TEX11: variants seen among roughly 807,000 people sequenced by gnomAD.
TEX11 encodes the protein testis-expressed protein 11.
TEX11 carries 7 observed loss-of-function variants against 84.4 expected under a neutral mutation model. That is an observed-to-expected ratio of 0.08 (90% CI 0.05 to 0.16). The LOEUF is 0.16. Ranked by LOEUF, TEX11 falls within the 10% of genes least tolerant of loss-of-function variation. The pLI, the probability that TEX11 is intolerant of heterozygous loss-of-function variation, is 1.00. For synonymous variants in TEX11, 264 were observed against 222.8 expected (o/e 1.18, Z -1.64); for missense variants, 551 against 660.5 (o/e 0.83, Z 1.82).
At chrX:70,646,522 T>A (rs1331155974) in intron 17 of TEX11, among the ~76,000 whole-genome samples, 1 of 111,775 alleles carries the variant, frequency 8.9e-6, no homozygotes, top group Non-Finnish European at 1.9e-5. Flanking sequence ...ATTCAAACAA[T>A]TCAATAGGAA....
intron 7 of TEX11, among the ~76,000 whole-genome samples, chrX:70,841,966 C>T (rs1466553113): frequency 9.0e-6 from 1 of 111,390 alleles, no homozygotes; most frequent in Non-Finnish European, 1.9e-5. Flanking sequence ...CAATAACAGG[C>T]TCTGAAATTG....
chrX:70,659,934 T>C (rs1187609304), intron 16 of TEX11, among the ~76,000 whole-genome samples: 2 of 112,050 alleles, frequency 1.8e-5, no homozygotes, highest in African/African-American at 3.2e-5. Flanking sequence ...CATAGTGTAC[T>C]TACACAAACT....
chrX:70,708,150 C>T (rs953673325), intron 13 of TEX11, among the ~76,000 whole-genome samples: 13 of 110,707 alleles, frequency 1.2e-4, no homozygotes, highest in African/African-American at 1.6e-4. Flanking sequence ...CATGAACAGA[C>T]GCTTCTCAAA....
intron 9 of TEX11, among the ~76,000 whole-genome samples, chrX:70,760,039 T>C (rs937048269): frequency 1.8e-5 from 2 of 111,246 alleles, no homozygotes; most frequent in Non-Finnish European, 3.8e-5. Context: ...ATAAAATACC[T>C]AAGAATCCAA....
intron 25 of TEX11, among the ~76,000 whole-genome samples, chrX:70,578,036 A>C (rs1231268802): frequency 1.8e-5 from 2 of 111,821 alleles, no homozygotes; most frequent in East Asian, 5.6e-4. Flanking sequence ...CCAAGGTTAT[A>C]TCTTAAAAGT....
At chrX:70,538,135 G>C (rs1311170523) in intron 28 of TEX11, among the ~76,000 whole-genome samples, 1 of 111,469 alleles carries the variant, frequency 9.0e-6, no homozygotes, top group Non-Finnish European at 1.9e-5. Context: ...GGGAGAGAAG[G>C]AGGTGAAGGT....
chrX:70,588,296 C>T (rs865832791), intron 25 of TEX11, among the ~76,000 whole-genome samples: 1 of 111,772 alleles, frequency 8.9e-6, no homozygotes, highest in Admixed American at 9.5e-5. Flanking sequence ...CCACCCAAAT[C>T]TCTTCTTGAA....
chrX:70,581,587 C>T lies in TEX11; in HGVS notation c.2140+10164G>A, dbSNP rs754286148. ...TGTTGGGATTACAGGCATAAGCCAC[C>T]GCGCCTGGTCCTATATACTGTTGCT... On this transcript the variant is annotated intron_variant, in intron 25 of 29. Coordinates refer to ENST00000374333, the MANE Select transcript of TEX11 (RefSeq NM_031276.3). Among the ~76,000 whole-genome samples the T allele has an allele frequency of 2.7e-4, 30 of 110,851 alleles. No individual in the cohort carries two copies. In the East Asian group the frequency reaches 6.3e-3, roughly 23 times the overall value.
At chrX:70,614,407 G>T (rs745877021) in intron 20 of TEX11, among the ~76,000 whole-genome samples, 1 of 111,123 alleles carries the variant, frequency 9.0e-6, no homozygotes, top group East Asian at 2.9e-4. Context: ...TAGGCTGGCA[G>T]TACTCCCCAT....
downstream of TEX11, among the ~76,000 whole-genome samples, chrX:70,524,383 C>A (rs1373988840): frequency 8.9e-6 from 1 of 112,206 alleles, no homozygotes; most frequent in Non-Finnish European, 1.9e-5. Flanking sequence ...TCAGCCCTCT[C>A]CTGTTCAGTG....
intron 11 of TEX11, among the ~76,000 whole-genome samples, chrX:70,734,205 A>G (rs1363642916): frequency 9.0e-6 from 1 of 110,620 alleles, no homozygotes; most frequent in Non-Finnish European, 1.9e-5. Flanking sequence ...CTAATGTTAA[A>G]TGACGAGTTA....
At chrX:70,791,193 G>GA (rs2091116217) in intron 9 of TEX11, among the ~76,000 whole-genome samples, 1 of 109,914 alleles carries the variant, frequency 9.1e-6, no homozygotes, top group African/African-American at 3.3e-5. Context: ...CATAAAAACA[G>GA]AAAAAAAAGC....
At chrX:70,548,182 A>G (rs1351568098) in intron 28 of TEX11, among the ~76,000 whole-genome samples, 1 of 106,214 alleles carries the variant, frequency 9.4e-6, no homozygotes, top group Admixed American at 1.0e-4. Flanking sequence ...AAAACCAAAC[A>G]CCACATGTTC....
At chrX:70,789,132 C>T (rs974705159) in intron 9 of TEX11, among the ~76,000 whole-genome samples, 20 of 102,532 alleles carry the variant, frequency 2.0e-4, no homozygotes, top group African/African-American at 5.7e-4. Context: ...CACAGGAGTA[C>T]GAGACCAGCA....
At chrX:70,565,188 G>C (rs187885035) in intron 25 of TEX11, among the ~76,000 whole-genome samples, 1,148 of 111,279 alleles carry the variant, frequency 0.01, 12 homozygotes, top group African/African-American at 0.036. Flanking sequence ...GTGTTTATTG[G>C]CTGCATAAAT....
At chrX:70,521,576 C>T in the TEX11 span, among the ~76,000 whole-genome samples, 3 of 111,638 alleles carry the variant, frequency 2.7e-5, no homozygotes, top group Admixed American at 1.9e-4. Context: ...CTCGCCTGGC[C>T]TAGAAATTCT....
chrX:70,629,894 G>A (rs1314851638), intron 17 of TEX11, among the ~76,000 whole-genome samples, 159 bp from the exon 18 acceptor site: 2 of 112,187 alleles, frequency 1.8e-5, no homozygotes, highest in Non-Finnish European at 3.8e-5. Context: ...TTTCAAGGAG[G>A]ATTTGAACAC....
intron 9 of TEX11, among the ~76,000 whole-genome samples, chrX:70,779,835 T>C (rs1211179075): frequency 2.7e-5 from 3 of 111,711 alleles, no homozygotes; most frequent in Non-Finnish European, 5.6e-5. Context: ...CAAGATTGAA[T>C]CAGAAAATCT....
In TEX11 at chrX:70,735,382, T is replaced by C. The variant is rs141389648; in HGVS notation, c.843+5319A>G. Among the ~76,000 whole-genome samples, 92 of 111,888 alleles carry C rather than the reference T, an allele frequency of 8.2e-4. 1 individual carries two copies. The East Asian group carries it at 0.014, about 17-fold the overall frequency. On this transcript the variant is annotated intron_variant, in intron 11 of 29. Coordinates refer to ENST00000374333, the MANE Select transcript of TEX11 (RefSeq NM_031276.3). ...ATATGATCTTGTATACAGAAAATCCTAAGTAATCCATTAAAAAACTATTAA... is the reference window on the plus strand; with the variant it reads ...ATATGATCTTGTATACAGAAAATCCCAAGTAATCCATTAAAAAACTATTAA...
Sources: allele counts gnomAD v4.1 joint callset (sites outside exome capture counted in the v4.1 genomes callset), GRCh38; gene constraint gnomAD v4.1.1; transcripts MANE v1.5; gene names NCBI Gene and HGNC (gene_info 2026-07-23, HGNC 2026-07-21).